DLGAP4: variants seen among roughly 807,000 people sequenced by gnomAD.
The protein encoded by DLGAP4 is disks large-associated protein 4.
Under a neutral mutation model 86.9 loss-of-function variants are expected in DLGAP4, and 18 were observed. The ratio of observed to expected loss-of-function variants is 0.21; its 90% CI spans 0.14 to 0.31. The LOEUF is 0.31. DLGAP4 is among the 10% of genes least tolerant of loss of function. The pLI is 1.00. For synonymous variants in DLGAP4, 548 were observed against 574.3 expected (o/e 0.95, Z 0.65); for missense variants, 1,085 against 1,362.6 (o/e 0.80, Z 3.21).
intron 2 of DLGAP4, among the ~76,000 whole-genome samples, chr20:36,369,609 A>G (rs769106448): frequency 8.5e-5 from 13 of 152,128 alleles, no homozygotes; most frequent in Non-Finnish European, 1.8e-4. Flanking sequence ...TAGTAATGGC[A>G]CCATAAAGGC....
chr20:36,490,709 A>G (rs1204872912), intron 7 of DLGAP4, among the ~76,000 whole-genome samples: 3 of 152,014 alleles, frequency 2.0e-5, no homozygotes, highest in Admixed American at 6.6e-5. Flanking sequence ...TTGCCCCCTC[A>G]GGCACCTGGG....
At position 36,461,304 on chromosome 20, in the gene DLGAP4, G is replaced by T. The variant is rs1271185242; in HGVS notation, c.1648+14367G>T. 6 of 238,096 alleles carry T rather than the reference G, an allele frequency of 2.5e-5. 1 individual carries two copies. The highest frequency in any genetic ancestry group is 3.3e-5 in the Non-Finnish European group (5 of 151,272). The allele number at this position is 238,096 out of a possible 1,614,324, so 14.7% of individuals were successfully genotyped here. On this transcript the variant is annotated intron_variant, in intron 7 of 12. Coordinates refer to ENST00000339266, the MANE Select transcript of DLGAP4 (RefSeq NM_001365621.2). ...GTGGGCCGGACGCGGCGGCCCGCGC[G>T]CCTGCCGACCAGCCCGGCTGCGCGC... is the stretch of plus-strand genomic sequence containing the variant.
chr20:36,520,843 G>T (rs2037335970), intron 10 of DLGAP4, among the ~76,000 whole-genome samples: 1 of 149,244 alleles, frequency 6.7e-6, no homozygotes, highest in Non-Finnish European at 1.5e-5. Context: ...TGAGAGTTTT[G>T]TTTGTTTGAG....
chr20:36,490,799 T>G (rs1230812425), intron 7 of DLGAP4, among the ~76,000 whole-genome samples: 2 of 152,186 alleles, frequency 1.3e-5, no homozygotes, highest in African/African-American at 4.8e-5. Flanking sequence ...GGGGCTAGCT[T>G]CTTGAGGTTG....
rs1415856446 is a variant in DLGAP4, at chr20:36,306,396, C to A, written c.-420C>A. The A allele has an allele frequency of 2.0e-5, 3 of 149,492 alleles. No homozygotes were observed. Among genetic ancestry groups the A allele is most frequent in the South Asian group, 1.8e-4 (1 of 5,536 alleles). The allele number at this position is 149,492 out of a possible 1,614,324, so 9.3% of individuals were successfully genotyped here. ...GGAGAGGCATGGGGCGCCCGCGGGC[C>A]GGAGCCGGGGCGGGGGCCGGGGCCT... On this transcript the variant is annotated 5_prime_UTR_variant, in exon 1 of 13. Coordinates refer to ENST00000339266, the MANE Select transcript of DLGAP4 (RefSeq NM_001365621.2). The surrounding 1 kb of genome is among the most constrained non-coding windows in gnomAD (Gnocchi z 4.9).
rs547007911 is a variant in DLGAP4 at position 36,485,723 on chromosome 20, C to T, written c.1649-10982C>T. On this transcript the variant is annotated intron_variant, in intron 7 of 12. Transcript: ENST00000339266. ...TAAAGTATCAGTGATAATTACCACT[C>T]CTCCCAGAGCTGTGTCAGGATAAAG... Among the ~76,000 whole-genome samples, 7 of 152,324 alleles carry T rather than the reference C, an allele frequency of 4.6e-5. No individual in the cohort carries two copies. The South Asian group carries it at 1.5e-3, about 32-fold the overall frequency.
chr20:36,420,099 A>G (rs1439735386), intron 2 of DLGAP4, among the ~76,000 whole-genome samples: 1 of 152,216 alleles, frequency 6.6e-6, no homozygotes, highest in South Asian at 2.1e-4. Context: ...GCTTGAGTGG[A>G]AAACTTAACT....
At chr20:36,477,304 A>G (rs943452957) in intron 7 of DLGAP4, among the ~76,000 whole-genome samples, 2 of 149,600 alleles carry the variant, frequency 1.3e-5, no homozygotes, top group African/African-American at 4.9e-5. Flanking sequence ...CATGTTGGCC[A>G]GGCTGGTTTT....
chr20:36,478,254 T>C (rs1305677483), intron 7 of DLGAP4, among the ~76,000 whole-genome samples: 1 of 152,050 alleles, frequency 6.6e-6, no homozygotes, highest in Non-Finnish European at 1.5e-5. Flanking sequence ...GGATACAGCG[T>C]GAGGAGTCTT....
At position 36,506,900 on chromosome 20, in the gene DLGAP4, T is replaced by TAA. The variant is rs1030662176; in HGVS notation, c.2512+6290_2512+6291dup. ...GTTTGACTATTCTAGCTACTTCATG[T>TAA]AAGTGGAACCATGCAGCATTTGTTC... On this transcript the variant is annotated intron_variant, in intron 10 of 12. Coordinates refer to ENST00000339266, the MANE Select transcript of DLGAP4 (RefSeq NM_001365621.2). Among the ~76,000 whole-genome samples, 8 of 152,212 alleles carry TAA rather than the reference T, an allele frequency of 5.3e-5. No homozygotes were observed. In the East Asian group the frequency reaches 1.5e-3, roughly 29 times the overall value.
chr20:36,458,292 C>G (rs1365717953), intron 7 of DLGAP4, among the ~76,000 whole-genome samples: 5 of 150,784 alleles, frequency 3.3e-5, no homozygotes, highest in African/African-American at 9.7e-5. Flanking sequence ...AGGCAGATCA[C>G]CTGAGGTCGG....
At position 36,477,446 on chromosome 20, in the gene DLGAP4, C is replaced by T. The variant is rs190133764; in HGVS notation, c.1649-19259C>T. Among the ~76,000 whole-genome samples, 575 of 152,350 alleles carry T rather than the reference C, an allele frequency of 3.8e-3. 9 individuals are homozygous for T. The South Asian group carries it at 0.044, about 12-fold the overall frequency. On this transcript the variant is annotated intron_variant, in intron 7 of 12. Transcript: ENST00000339266. ...CATCTAAGCTTATGTGTGGCCTTAT[C>T]CTGGCAGAATTGCTAAGGGACTGAT... is the stretch of plus-strand genomic sequence containing the variant.
At chr20:36,446,642 C>T (rs1437358516) in intron 6 of DLGAP4, 55 bp from the exon 7 acceptor site, 35 of 1,526,686 alleles carry the variant, frequency 2.3e-5, no homozygotes, top group Non-Finnish European at 2.8e-5. Context: ...AAGAACCGCT[C>T]CCCCCAGGAT....
chr20:36,362,151 T>C (rs1005877696), intron 1 of DLGAP4, among the ~76,000 whole-genome samples: 5 of 151,596 alleles, frequency 3.3e-5, no homozygotes, highest in East Asian at 3.9e-4. Context: ...AATTAGCTAC[T>C]TGGGAGGCTG....
chr20:36,363,871 C>G (rs1555894420), intron 1 of DLGAP4, among the ~76,000 whole-genome samples: 1 of 152,108 alleles, frequency 6.6e-6, no homozygotes, highest in African/African-American at 2.4e-5. Context: ...CTGTGTCAGC[C>G]AATGATCGTG....
At chr20:36,509,200 A>G (rs2036550205) in intron 10 of DLGAP4, among the ~76,000 whole-genome samples, 1 of 152,208 alleles carries the variant, frequency 6.6e-6, no homozygotes, top group African/African-American at 2.4e-5. Flanking sequence ...ACGTGGGAAG[A>G]TTGCTTGAGT....
intron 2 of DLGAP4, among the ~76,000 whole-genome samples, chr20:36,413,135 A>G (rs1480781759): frequency 6.6e-6 from 1 of 151,154 alleles, no homozygotes; most frequent in Non-Finnish European, 1.5e-5. Context: ...GTGTGCCACC[A>G]CACCTGGCTA....
At chr20:36,494,624 A>G (rs1473427164) in intron 7 of DLGAP4, among the ~76,000 whole-genome samples, 4 of 152,306 alleles carry the variant, frequency 2.6e-5, no homozygotes, top group East Asian at 3.9e-4. Flanking sequence ...TGTTAGTGCT[A>G]TGCAGTTTTA....
chr20:36,462,031 C>A, intron 7 of DLGAP4: 1 of 986,910 alleles, frequency 1.0e-6, no homozygotes, highest in Non-Finnish European at 1.2e-6. Context: ...CTTCCACTCT[C>A]CCCAAGGGCT....
Sources: allele counts gnomAD v4.1 joint callset (sites outside exome capture counted in the v4.1 genomes callset), GRCh38; gene constraint gnomAD v4.1.1; non-coding constraint Gnocchi (gnomAD v3.1); transcripts MANE v1.5; gene names NCBI Gene and HGNC (gene_info 2026-07-23, HGNC 2026-07-21).